MYO3A: variants seen among roughly 807,000 people sequenced by gnomAD.
MYO3A encodes the protein myosin-IIIa.
MYO3A carries 180 observed loss-of-function variants against 192.7 expected under a neutral mutation model. The observed-to-expected ratio is 0.93, with a 90% confidence interval of 0.83 to 1.06. The LOEUF is 1.06. Among genes scored for constraint, MYO3A ranks in the 50% least tolerant of loss-of-function variants. The probability of loss-of-function intolerance (pLI) is 0.00; values close to 1 mark genes in which losing one functional copy is unlikely to be tolerated. For missense variants in MYO3A, 1,896 were observed against 1,905.0 expected, an observed-to-expected ratio of 1.00 and a Z score of 0.09; for synonymous variants, 628 against 645.3, an observed-to-expected ratio of 0.97 and a Z score of 0.41.
At chr10:25,963,815 A>G (rs1838091646) in intron 4 of MYO3A, among the ~76,000 whole-genome samples, 1 of 152,210 alleles carries the variant, frequency 6.6e-6, no homozygotes, top group East Asian at 1.9e-4. Context: ...AACATGGCCT[A>G]AATGTACTTC....
chr10:25,964,693 T>A (rs1838155017), intron 4 of MYO3A, among the ~76,000 whole-genome samples: 1 of 152,192 alleles, frequency 6.6e-6, no homozygotes, highest in Non-Finnish European at 1.5e-5. Context: ...ACCAGTAAGT[T>A]TTGTACCATC....
intron 31 of MYO3A, among the ~76,000 whole-genome samples, chr10:26,178,937 G>C (rs1044039418): frequency 4.6e-5 from 7 of 151,456 alleles, no homozygotes; most frequent in Non-Finnish European, 7.4e-5. Flanking sequence ...TAGTAGCTGG[G>C]GCTCCAGGCG....
rs1453577417 is a variant in MYO3A, at chr10:26,212,017, C to T, written c.*54C>T. ...GAAGGCGCTGGAGCCTGCGGGGCAG[C>T]AGGGGCCAAGCAGGCACTCTGGGGC... On this transcript the variant is annotated 3_prime_UTR_variant, in exon 35 of 35. Coordinates refer to ENST00000642920, the MANE Select transcript of MYO3A (RefSeq NM_017433.5). The T allele has an allele frequency of 1.3e-6, 2 of 1,592,226 alleles. No homozygotes were observed. The highest frequency in any genetic ancestry group is 1.7e-6 in the Non-Finnish European group (2 of 1,166,350).
At chr10:26,107,026 G>A (rs1313006584) in intron 17 of MYO3A, among the ~76,000 whole-genome samples, 1 of 151,498 alleles carries the variant, frequency 6.6e-6, no homozygotes, top group Non-Finnish European at 1.5e-5. Context: ...AGTTCCCAAT[G>A]TTCTCTGAAG....
chr10:26,010,450 G>GTTTTTTTTTTTTTTTTT (rs778349166), intron 6 of MYO3A, among the ~76,000 whole-genome samples: 2,065 of 111,062 alleles, frequency 0.019, 2 homozygotes, highest in Non-Finnish European at 0.021. Context: ...CTAAGTAGTT[G>GTTTTTTTTTTTTTTTTT]TTTTTTTTTT....
chr10:26,192,436 C>T (rs1442131746), intron 31 of MYO3A, among the ~76,000 whole-genome samples: 2 of 152,064 alleles, frequency 1.3e-5, no homozygotes, highest in Non-Finnish European at 2.9e-5. Flanking sequence ...TCGTGCAGTG[C>T]TTGGATAGAC....
At chr10:26,194,550 T>A (rs1843312714) in intron 32 of MYO3A, among the ~76,000 whole-genome samples, 1 of 152,168 alleles carries the variant, frequency 6.6e-6, no homozygotes, top group African/African-American at 2.4e-5. Context: ...ACCCAGAGGA[T>A]GTGTTGAAAC....
Position 26,070,105 on chromosome 10 carries a change from CT to C in MYO3A, c.1171-3del, listed in dbSNP as rs774736295. ...CCCTACAAAATGTATTCTTTTTAACCTTTAGCATTCCAAACTATATATTGGA... is the reference window on the plus strand; with the variant it reads ...CCCTACAAAATGTATTCTTTTTAACCTTAGCATTCCAAACTATATATTGGA... On this transcript the variant is annotated splice_polypyrimidine_tract_variant and splice_region_variant and intron_variant, in intron 12 of 34. Transcript: ENST00000642920. 6.3e-7 allele frequency: 1 copy of C among 1,593,544 alleles called. No homozygotes were observed. The highest frequency in any genetic ancestry group is 1.3e-5 in the African/African-American group (1 of 74,476).
intron 10 of MYO3A, among the ~76,000 whole-genome samples, chr10:26,060,269 A>G (rs1360492117): frequency 1.7e-5 from 2 of 114,872 alleles, no homozygotes; most frequent in Admixed American, 1.6e-4. Flanking sequence ...CAATAAATAA[A>G]TAAATAAATA....
At chr10:26,207,784 T>C (rs1448673379) in intron 34 of MYO3A, among the ~76,000 whole-genome samples, 1 of 152,128 alleles carries the variant, frequency 6.6e-6, no homozygotes, top group African/African-American at 2.4e-5. Flanking sequence ...ATACAAATTT[T>C]AGGATTTTTT....
chr10:26,113,823 AG>A (rs1838339342), intron 17 of MYO3A, among the ~76,000 whole-genome samples: 1 of 152,206 alleles, frequency 6.6e-6, no homozygotes, highest in South Asian at 2.1e-4. Flanking sequence ...AGGAGGGGAA[AG>A]GGATAATTAA....
At chr10:26,157,258 C>T (rs554094799) in intron 25 of MYO3A, 52 bp from the exon 26 acceptor site, 5 of 1,529,576 alleles carry the variant, frequency 3.3e-6, no homozygotes, top group Admixed American at 1.7e-5. Context: ...CCTACAAGCT[C>T]ATACGTTTTT....
chr10:25,962,924 C>A (rs1387440238), intron 4 of MYO3A, among the ~76,000 whole-genome samples: 1 of 152,194 alleles, frequency 6.6e-6, no homozygotes, highest in Admixed American at 6.5e-5. Context: ...GTAAGGAAAT[C>A]TGGGCTTCTC....
At chr10:26,182,163 A>G (rs1188281457) in intron 31 of MYO3A, among the ~76,000 whole-genome samples, 1 of 152,236 alleles carries the variant, frequency 6.6e-6, no homozygotes, top group Non-Finnish European at 1.5e-5. Flanking sequence ...CAAGATGGTC[A>G]TCTCCAGTAT....
chr10:26,120,106 G>C (rs1316599888), intron 17 of MYO3A, among the ~76,000 whole-genome samples: 1 of 151,988 alleles, frequency 6.6e-6, no homozygotes, highest in African/African-American at 2.4e-5. Context: ...AGAGGCGGTA[G>C]TGAGCTGAGA....
intron 4 of MYO3A, among the ~76,000 whole-genome samples, chr10:25,991,356 G>C (rs1023074395): frequency 6.6e-6 from 1 of 152,054 alleles, no homozygotes; most frequent in African/African-American, 2.4e-5. Context: ...TTGTTGATGG[G>C]GTTGTTTGTT....
intron 17 of MYO3A, among the ~76,000 whole-genome samples, chr10:26,099,843 G>A (rs1837319461): frequency 6.6e-6 from 1 of 152,172 alleles, no homozygotes; most frequent in South Asian, 2.1e-4. Flanking sequence ...TTGCATCGAT[G>A]TTTATCAGGG....
At chr10:26,120,303 A>G (rs1391782369) in intron 17 of MYO3A, among the ~76,000 whole-genome samples, 1 of 152,172 alleles carries the variant, frequency 6.6e-6, no homozygotes, top group East Asian at 1.9e-4. Flanking sequence ...CTCAAGGAAA[A>G]TCCATATGGT....
chr10:26,081,564 C>T (rs917145224), intron 14 of MYO3A, among the ~76,000 whole-genome samples: 1 of 152,190 alleles, frequency 6.6e-6, no homozygotes, highest in African/African-American at 2.4e-5. Flanking sequence ...CACCCTCCCC[C>T]GAGTTGGGGC....
Sources: allele counts gnomAD v4.1 joint callset (sites outside exome capture counted in the v4.1 genomes callset), GRCh38; gene constraint gnomAD v4.1.1; transcripts MANE v1.5; gene names NCBI Gene and HGNC (gene_info 2026-07-23, HGNC 2026-07-21).